MYRIP: variants seen among roughly 807,000 people sequenced by gnomAD.
The protein encoded by MYRIP is rab effector MyRIP.
MYRIP carries 49 observed loss-of-function variants against 98.0 expected under a neutral mutation model. That is an observed-to-expected ratio of 0.50 (90% CI 0.40 to 0.63). The LOEUF (loss-of-function observed/expected upper bound fraction) is 0.63, where lower values mean the gene tolerates loss of function less well. Among genes scored for constraint, MYRIP ranks in the 30% least tolerant of loss-of-function variants. The pLI, the probability that MYRIP is intolerant of heterozygous loss-of-function variation, is 0.00. For missense variants in MYRIP, 1,004 were observed against 1,058.2 expected (o/e 0.95, Z 0.71); for synonymous variants, 404 against 409.5 (o/e 0.99, Z 0.16).
chr3:40,013,797 C>A (rs1326124432), intron 2 of MYRIP, among the ~76,000 whole-genome samples: 1 of 152,202 alleles, frequency 6.6e-6, no homozygotes, highest in Non-Finnish European at 1.5e-5. Context: ...GTTCTTTGTG[C>A]CTGTGGAGGT....
chr3:39,905,754 A>G (rs1021420494), intron 2 of MYRIP, among the ~76,000 whole-genome samples: 1 of 152,212 alleles, frequency 6.6e-6, no homozygotes, highest in Non-Finnish European at 1.5e-5. Flanking sequence ...ACGATTGAAA[A>G]TATTAACATT....
chr3:40,050,655 C>G (rs1947775559), intron 3 of MYRIP, among the ~76,000 whole-genome samples: 1 of 152,108 alleles, frequency 6.6e-6, no homozygotes, highest in African/African-American at 2.4e-5. Flanking sequence ...TTTCATAACA[C>G]TATAACAGCC....
intron 3 of MYRIP, among the ~76,000 whole-genome samples, chr3:40,138,081 G>A (rs571139885): frequency 2.0e-5 from 3 of 152,202 alleles, no homozygotes; most frequent in Admixed American, 6.5e-5. Flanking sequence ...TGGAAAGACA[G>A]GTCACCATAG....
At chr3:39,894,252 C>T (rs1323463033) in intron 1 of MYRIP, among the ~76,000 whole-genome samples, 1 of 152,146 alleles carries the variant, frequency 6.6e-6, no homozygotes, top group East Asian at 1.9e-4. Context: ...ATGTAACCAG[C>T]ACCCAGATAA....
chr3:39,958,733 T>C (rs1945241647), intron 2 of MYRIP, among the ~76,000 whole-genome samples: 1 of 151,988 alleles, frequency 6.6e-6, no homozygotes, highest in South Asian at 2.1e-4. Context: ...GCCATCAGAG[T>C]GAACAGGCAA....
intron 16 of MYRIP, among the ~76,000 whole-genome samples, chr3:40,257,423 G>T (rs4973929): frequency 0.79 from 120,719 of 152,122 alleles, 51,480 homozygotes; most frequent in Non-Finnish European, 0.94. Context: ...GCAGTTTTTT[G>T]AATTTTTGCA....
At chr3:40,256,292 A>G (rs1953586168) in intron 16 of MYRIP, among the ~76,000 whole-genome samples, 1 of 152,178 alleles carries the variant, frequency 6.6e-6, no homozygotes, top group South Asian at 2.1e-4. Context: ...CAACACACAC[A>G]CTTCAAAATA....
rs552014462 is a variant in MYRIP at position 40,076,053 on chromosome 3, A to T, written c.332+31782A>T. 1.2e-4 allele frequency among the ~76,000 whole-genome samples: 19 copies of T among 152,146 alleles called. No homozygotes were observed. The East Asian group carries it at 1.7e-3, about 14-fold the overall frequency. On this transcript the variant is annotated intron_variant, in intron 3 of 16. Coordinates refer to ENST00000302541, the MANE Select transcript of MYRIP (RefSeq NM_015460.4). ...TCTAAAAAAATAAAATAAAATACAA[A>T]AATTAGCTAGGCATAGTGGTGCATG...
intron 2 of MYRIP, among the ~76,000 whole-genome samples, chr3:39,934,133 T>C (rs1439914170): frequency 1.3e-5 from 2 of 152,174 alleles, no homozygotes; most frequent in Non-Finnish European, 2.9e-5. Flanking sequence ...AATGTTGTGG[T>C]ATGACAGTAC....
chr3:40,111,693 G>A (rs1002446920), intron 3 of MYRIP, among the ~76,000 whole-genome samples: 1 of 151,954 alleles, frequency 6.6e-6, no homozygotes, highest in African/African-American at 2.4e-5. Context: ...ACCTCGATAA[G>A]ATGGTTCAGC....
intron 1 of MYRIP, among the ~76,000 whole-genome samples, chr3:39,849,880 A>G (rs1484294592): frequency 6.6e-6 from 1 of 152,222 alleles, no homozygotes; most frequent in Non-Finnish European, 1.5e-5. Flanking sequence ...AAACATTGTC[A>G]GCTACCTGTT....
chr3:40,179,341 T>C (rs1950835428), intron 8 of MYRIP, among the ~76,000 whole-genome samples: 1 of 152,116 alleles, frequency 6.6e-6, no homozygotes, highest in Admixed American at 6.5e-5. Flanking sequence ...TTGCCTGAAA[T>C]AGACTATTTT....
At chr3:39,953,843 C>T (rs764282867) in intron 2 of MYRIP, among the ~76,000 whole-genome samples, 22 of 152,138 alleles carry the variant, frequency 1.4e-4, no homozygotes, top group South Asian at 4.2e-4. Context: ...CTTTTCCAAA[C>T]GGCATACCAG....
intron 10 of MYRIP, among the ~76,000 whole-genome samples, chr3:40,204,237 T>TA (rs376871030): frequency 0.4 from 25,264 of 63,458 alleles, 7,741 homozygotes; most frequent in East Asian, 0.68. Flanking sequence ...ATATATATAT[T>TA]TTTTTTTTTT....
chr3:39,978,706 A>C (rs76584682), intron 2 of MYRIP, among the ~76,000 whole-genome samples: 2,430 of 152,268 alleles, frequency 0.016, 56 homozygotes, highest in African/African-American at 0.054. Context: ...TTGGTCACAT[A>C]ACTAAATTTG....
intron 1 of MYRIP, among the ~76,000 whole-genome samples, chr3:39,862,618 C>T (rs930500354): frequency 6.6e-6 from 1 of 152,190 alleles, no homozygotes; most frequent in African/African-American, 2.4e-5. Flanking sequence ...TATACACATC[C>T]AACACAGGAG....
At chr3:40,068,939 C>T (rs1225042002) in intron 3 of MYRIP, among the ~76,000 whole-genome samples, 3 of 152,226 alleles carry the variant, frequency 2.0e-5, no homozygotes, top group African/African-American at 7.2e-5. Flanking sequence ...AAACACTGCT[C>T]TGCGTCACCA....
chr3:39,876,128 T>C (rs1296182536), intron 1 of MYRIP, among the ~76,000 whole-genome samples: 1 of 152,174 alleles, frequency 6.6e-6, no homozygotes, highest in Non-Finnish European at 1.5e-5. Context: ...TCTTTGTTGG[T>C]TTAAAGTCTG....
intron 3 of MYRIP, among the ~76,000 whole-genome samples, chr3:40,060,588 TC>T (rs1947987474): frequency 1.1e-5 from 1 of 88,546 alleles, no homozygotes; most frequent in Non-Finnish European, 2.6e-5. Context: ...TCTTTTTTTT[TC>T]TTTTTTTGAG....
Sources: allele counts gnomAD v4.1 joint callset (sites outside exome capture counted in the v4.1 genomes callset), GRCh38; gene constraint gnomAD v4.1.1; transcripts MANE v1.5; gene names NCBI Gene and HGNC (gene_info 2026-07-23, HGNC 2026-07-21).